PHF19: variants seen among roughly 807,000 people sequenced by gnomAD.
The protein encoded by PHF19 is PHD finger protein 19.
PHF19 carries 21 observed loss-of-function variants against 79.8 expected under a neutral mutation model. The observed-to-expected ratio is 0.26, with a 90% confidence interval of 0.19 to 0.38. PHF19 has a LOEUF of 0.38. Ranked by LOEUF, PHF19 falls within the 10% of genes least tolerant of loss-of-function variation. The pLI is 1.00. For synonymous variants in PHF19, 273 were observed against 296.3 expected (o/e 0.92, Z 0.81); for missense variants, 445 against 744.2 (o/e 0.60, Z 4.68).
intron 9 of PHF19, among the ~76,000 whole-genome samples, chr9:120,864,639 C>T (rs950224853): frequency 2.0e-5 from 3 of 152,110 alleles, no homozygotes; most frequent in African/African-American, 4.8e-5. Context: ...GCTGAGACCG[C>T]GCCACTGCAC....
intron 1 of PHF19, among the ~76,000 whole-genome samples, chr9:120,887,073 A>AAAAAGAAAAGAAAAG (rs3047157): frequency 1.4e-5 from 2 of 144,296 alleles, no homozygotes; most frequent in African/African-American, 5.2e-5. Flanking sequence ...CTAAAAAAAA[A>AAAAAGAAAAGAAAAG]AAAAGAAAAG....
intron 1 of PHF19, among the ~76,000 whole-genome samples, chr9:120,889,463 G>A (rs993680840): frequency 6.0e-5 from 9 of 150,254 alleles, no homozygotes; most frequent in East Asian, 2.0e-4. Flanking sequence ...TAGCCTGGGC[G>A]CAGTGACTCA....
In PHF19 at chr9:120,869,495, T is replaced by A; in HGVS notation, c.466-165A>T. On this transcript the variant is annotated intron_variant, in intron 5 of 14. Coordinates refer to ENST00000373896, the MANE Select transcript of PHF19 (RefSeq NM_015651.3). The surrounding 1 kb of genome is among the most constrained non-coding windows in gnomAD (Gnocchi z 5.8). ...CTTTTTCTCATTAATTCCAAACCCA[T>A]CCCCTCTATCCCAGAAGGAACTCCG... 2.2e-6 allele frequency: 3 copies of A among 1,335,464 alleles called. No homozygotes were observed. Among genetic ancestry groups the A allele is most frequent in the Non-Finnish European group, 3.0e-6 (3 of 1,004,974 alleles). The allele number at this position is 1,335,464 out of a possible 1,614,324, so 82.7% of individuals were successfully genotyped here.
Position 120,860,033 on chromosome 9 carries a change from G to T in PHF19, c.1400+57C>A. On this transcript the variant is annotated intron_variant, in intron 14 of 14. Transcript: ENST00000373896. The surrounding 1 kb of genome is among the most constrained non-coding windows in gnomAD (Gnocchi z 4.1). ...CATTACAGAAGTGGGAGGTGGAGGG[G>T]CTGAGAGGAATGATGGTCCTTGCAA... The T allele has an allele frequency of 3.5e-6, 3 of 864,442 alleles. No individual in the cohort carries two copies. The highest frequency in any genetic ancestry group is 1.4e-5 in the South Asian group (1 of 70,286). The allele number at this position is 864,442 out of a possible 1,614,324, so 53.5% of individuals were successfully genotyped here. A position where few individuals can be genotyped will look rare whatever the true frequency, so the allele number is the denominator to read the frequency against.
At chr9:120,893,604 T>TTGAAC (rs1168512242) in intron 1 of PHF19, among the ~76,000 whole-genome samples, 1 of 152,236 alleles carries the variant, frequency 6.6e-6, no homozygotes, top group Non-Finnish European at 1.5e-5. Flanking sequence ...AAATTCATCT[T>TTGAAC]TGAACGGTTC....
At position 120,858,811 on chromosome 9, in the gene PHF19, T is replaced by TCACACACACACACA. The variant is rs56042039; in HGVS notation, c.1401-539_1401-526dup. 4.0e-3 allele frequency among the ~76,000 whole-genome samples: 495 copies of TCACACACACACACA among 122,876 alleles called. 5 individuals are homozygous for TCACACACACACACA. The highest frequency in any genetic ancestry group is 6.2e-3 in the Non-Finnish European group (356 of 57,694). 80.6% of individuals were successfully genotyped at this position (122,876 alleles called of 152,430 possible). ...GCCTGGATGGAGAGACTGACAGACA[T>TCACACACACACACA]CACACACACACACACACACACACAC... On this transcript the variant is annotated intron_variant, in intron 14 of 14. Coordinates refer to ENST00000373896, the MANE Select transcript of PHF19 (RefSeq NM_015651.3).
In PHF19 at chr9:120,870,543, A is replaced by C. The variant is rs1219104852; in HGVS notation, c.269-5T>G. 1 of 1,581,794 alleles carries C rather than the reference A, an allele frequency of 6.3e-7. No individual in the cohort carries two copies. Among genetic ancestry groups the C allele is most frequent in the Admixed American group, 1.7e-5 (1 of 59,982 alleles). On this transcript the variant is annotated splice_polypyrimidine_tract_variant and splice_region_variant and intron_variant, in intron 3 of 14. Coordinates refer to ENST00000373896, the MANE Select transcript of PHF19 (RefSeq NM_015651.3). The surrounding 1 kb of genome is among the most constrained non-coding windows in gnomAD (Gnocchi z 4.4). ...GCTCCTCTCCTGGAACACCGGCTGA[A>C]AGAGAGGGCCTCGAGGGTCGGGTCC...
intron 1 of PHF19, among the ~76,000 whole-genome samples, chr9:120,888,826 G>T (rs1277812526): frequency 6.6e-6 from 1 of 152,152 alleles, no homozygotes; most frequent in African/African-American, 2.4e-5. Flanking sequence ...CTCTACTGTG[G>T]GTGAGTGATC....
At chr9:120,863,246 G>A (rs962641266) in intron 10 of PHF19, among the ~76,000 whole-genome samples, 3 of 150,028 alleles carry the variant, frequency 2.0e-5, no homozygotes, top group African/African-American at 7.3e-5. Context: ...GAGGGCAGGT[G>A]GCCTCTTGTA....
Position 120,862,052 on chromosome 9 carries a change from G to T in PHF19, c.1131-47C>A. On this transcript the variant is annotated intron_variant, in intron 11 of 14. Transcript: ENST00000373896. The surrounding 1 kb of genome is among the most constrained non-coding windows in gnomAD (Gnocchi z 4.6). The stretch of plus-strand genomic sequence containing the variant: ...AAGGTGGCCCCGTCAGAGCCTGAGG[G>T]CCCTAGGGTGGCCCAGAGGGAGGCG... 1 of 1,444,222 alleles carries T rather than the reference G, an allele frequency of 6.9e-7. No homozygotes were observed. Among genetic ancestry groups the T allele is most frequent in the Non-Finnish European group, 9.8e-7 (1 of 1,024,980 alleles). The allele number at this position is 1,444,222 out of a possible 1,614,324, so 89.5% of individuals were successfully genotyped here.
At chr9:120,901,215 CAG>C in the PHF19 span, among the ~76,000 whole-genome samples, 1 of 151,576 alleles carries the variant, frequency 6.6e-6, no homozygotes, top group African/African-American at 2.4e-5. Flanking sequence ...TTGTTTGAGA[CAG>C]AGTCTCGCTC....
chr9:120,870,805 C>G lies in PHF19; in HGVS notation c.269-267G>C, dbSNP rs1316740096. Among the ~76,000 whole-genome samples the G allele has an allele frequency of 3.3e-5, 5 of 152,098 alleles. No individual in the cohort carries two copies. On this transcript the variant is annotated intron_variant, in intron 3 of 14. Coordinates refer to ENST00000373896, the MANE Select transcript of PHF19 (RefSeq NM_015651.3). This position sits in a 1 kb window ranked among gnomAD's most constrained non-coding sequence, Gnocchi z 4.4. Reference sequence around the variant, plus strand: ...AACCCATGGCTGTTTGACATCAAACCCTTTGTTCTTTTGACACATCATGCT... The same window carrying G: ...AACCCATGGCTGTTTGACATCAAACGCTTTGTTCTTTTGACACATCATGCT...
Position 120,860,181 on chromosome 9 carries a change from TG to T in PHF19, c.1308del (p.Ser437AlafsTer146). 1 of 1,579,756 alleles carries T rather than the reference TG, an allele frequency of 6.3e-7. No homozygotes were observed. Among genetic ancestry groups the T allele is most frequent in the Non-Finnish European group, 8.6e-7 (1 of 1,159,174 alleles). Reference sequence around the variant, plus strand: ...TCTGAGAAGAAGGTCTGGCCTGAGCTGGCACTGAGAGGGGCAAGACCGTGAG... The same window carrying T: ...TCTGAGAAGAAGGTCTGGCCTGAGCTGCACTGAGAGGGGCAAGACCGTGAG... ...TLDEIQSLKS[A>X]SSGQTFFSDV... is the part of the protein sequence containing the mutation. On this transcript the variant is annotated frameshift_variant, in exon 14 of 15. Coordinates refer to ENST00000373896, the MANE Select transcript of PHF19 (RefSeq NM_015651.3). LOFTEE classifies it high-confidence loss of function. This position sits in a 1 kb window ranked among gnomAD's most constrained non-coding sequence, Gnocchi z 4.1.
chr9:120,868,311 T>C (rs916781885), intron 6 of PHF19: 6 of 152,272 alleles, frequency 3.9e-5, no homozygotes, highest in African/African-American at 1.4e-4. Flanking sequence ...TTGACTTTCA[T>C]GCATTAGTAC....
In PHF19 at chr9:120,860,221, C is replaced by T. The variant is rs202205464; in HGVS notation, c.1305-36G>A. On this transcript the variant is annotated intron_variant, in intron 13 of 14. Coordinates refer to ENST00000373896, the MANE Select transcript of PHF19 (RefSeq NM_015651.3). This position sits in a 1 kb window ranked among gnomAD's most constrained non-coding sequence, Gnocchi z 4.1. ...CAAGACCGTGAGCCTGCTGGTGGCC[C>T]GGCCCAGCAAGTTCCTGCCAACCTG... 2.6e-5 allele frequency: 33 copies of T among 1,247,310 alleles called. No homozygotes were observed. The highest frequency in any genetic ancestry group is 2.4e-4 in the Middle Eastern group (1 of 4,192). 77.3% of individuals were successfully genotyped at this position (1,247,310 alleles called of 1,614,324 possible).
upstream of PHF19, among the ~76,000 whole-genome samples, chr9:120,899,875 G>A (rs969848794): frequency 3.9e-5 from 6 of 152,220 alleles, no homozygotes; most frequent in African/African-American, 1.4e-4. Flanking sequence ...GCAGGACACT[G>A]CCCTTCCATG....
chr9:120,869,056 C>T lies in PHF19; in HGVS notation c.614+126G>A. The T allele has an allele frequency of 9.3e-7, 1 of 1,072,896 alleles. No individual in the cohort carries two copies. Among genetic ancestry groups the T allele is most frequent in the Non-Finnish European group, 1.3e-6 (1 of 790,786 alleles). The allele number at this position is 1,072,896 out of a possible 1,614,324, so 66.5% of individuals were successfully genotyped here. On this transcript the variant is annotated intron_variant, in intron 6 of 14. Coordinates refer to ENST00000373896, the MANE Select transcript of PHF19 (RefSeq NM_015651.3). This position sits in a 1 kb window ranked among gnomAD's most constrained non-coding sequence, Gnocchi z 5.8. ...GAGGCCCCGCCCCCACAGCGCAACA[C>T]ACTGGGCCCGCCCTCAAGGTCCCCG... is the stretch of plus-strand genomic sequence containing the variant.
Position 120,891,266 on chromosome 9 carries a change from C to T in PHF19, c.42+3522G>A, listed in dbSNP as rs955231322. Among the ~76,000 whole-genome samples, 1 of 152,070 alleles carries T rather than the reference C, an allele frequency of 6.6e-6. No homozygotes were observed. Among genetic ancestry groups the T allele is most frequent in the African/African-American group, 2.4e-5 (1 of 41,408 alleles). ...CTTCCCTTCTCTCCCCTCCTCTCCCCTCCTTTCCCCTTCTTCTCCTCTCCT... is the reference window on the plus strand; with the variant it reads ...CTTCCCTTCTCTCCCCTCCTCTCCCTTCCTTTCCCCTTCTTCTCCTCTCCT... On this transcript the variant is annotated intron_variant, in intron 1 of 14. Coordinates refer to the PHF19 transcript ENST00000616568. This position sits in a 1 kb window ranked among gnomAD's most constrained non-coding sequence, Gnocchi z 4.3.
At chr9:120,886,671 C>T (rs1415754158) in intron 1 of PHF19, among the ~76,000 whole-genome samples, 3 of 152,210 alleles carry the variant, frequency 2.0e-5, no homozygotes, top group Admixed American at 6.5e-5. Flanking sequence ...CTGGTTCATC[C>T]AGCCTGTAGT....
Sources: allele counts gnomAD v4.1 joint callset (sites outside exome capture counted in the v4.1 genomes callset), GRCh38; gene constraint gnomAD v4.1.1; non-coding constraint Gnocchi (gnomAD v3.1); transcripts MANE v1.5; gene names NCBI Gene and HGNC (gene_info 2026-07-23, HGNC 2026-07-21).